PDE1C: variants seen among roughly 807,000 people sequenced by gnomAD.
PDE1C encodes the protein dual specificity calcium/calmodulin-dependent 3',5'-cyclic nucleotide phosphodiesterase 1C.
A neutral mutation model predicts 93.1 loss-of-function variants in PDE1C; 62 were observed. That is an observed-to-expected ratio of 0.67 (90% CI 0.54 to 0.82). PDE1C has a LOEUF of 0.82. Among genes scored for constraint, PDE1C ranks in the 40% least tolerant of loss-of-function variants. The pLI is 0.00. For missense variants in PDE1C, 742 were observed against 884.6 expected (o/e 0.84, Z 2.04); for synonymous variants, 325 against 310.1 (o/e 1.05, Z -0.50).
At chr7:32,331,919 G>A (rs1039379407) in intron 1 of PDE1C, among the ~76,000 whole-genome samples, 55 of 152,146 alleles carry the variant, frequency 3.6e-4, no homozygotes, top group African/African-American at 1.1e-3. Flanking sequence ...CACAAGGGCC[G>A]TTAAAAGCAA....
At chr7:32,402,486 G>C (rs911036992) in intron 1 of PDE1C, among the ~76,000 whole-genome samples, 1 of 152,080 alleles carries the variant, frequency 6.6e-6, no homozygotes, top group East Asian at 1.9e-4. Context: ...AGTAGAGAGA[G>C]GAAGTTAGTC....
the PDE1C span, among the ~76,000 whole-genome samples, chr7:31,705,986 A>ATTTTTTTTTTTTTTTTTTTT: frequency 1.1e-4 from 6 of 52,514 alleles, 1 homozygote; most frequent in Admixed American, 5.6e-4. Context: ...CAGACCAGTA[A>ATTTTTTTTTTTTTTTTTTTT]TTTTTTTTTT....
intron 16 of PDE1C, among the ~76,000 whole-genome samples, chr7:31,781,147 ACG>A (rs1783381090): frequency 6.6e-6 from 1 of 152,248 alleles, no homozygotes. Flanking sequence ...CTCAGGGTGA[ACG>A]CACACCTAAG....
chr7:32,296,832 A>G (rs11765652), intron 1 of PDE1C, among the ~76,000 whole-genome samples: 15,967 of 152,270 alleles, frequency 0.1, 905 homozygotes, highest in South Asian at 0.15. Context: ...ATTCTTTTCT[A>G]CAAGCACTCC....
intron 1 of PDE1C, among the ~76,000 whole-genome samples, chr7:32,405,179 A>G (rs1785027147): frequency 6.6e-6 from 1 of 152,100 alleles, no homozygotes; most frequent in Non-Finnish European, 1.5e-5. Context: ...GCAGGGATGA[A>G]GTCTTCAAAG....
At chr7:32,174,649 G>A (rs1802868874) in intron 2 of PDE1C, among the ~76,000 whole-genome samples, 1 of 152,140 alleles carries the variant, frequency 6.6e-6, no homozygotes, top group Non-Finnish European at 1.5e-5. Flanking sequence ...TGGGCCATTT[G>A]CAAAGTGCCT....
chr7:31,659,207 T>C, the PDE1C span, among the ~76,000 whole-genome samples: 2 of 152,232 alleles, frequency 1.3e-5, no homozygotes, highest in Non-Finnish European at 2.9e-5. Flanking sequence ...TATATTCTTC[T>C]ATGGACATGG....
chr7:32,136,976 A>C (rs1800245891), intron 3 of PDE1C, among the ~76,000 whole-genome samples: 1 of 152,162 alleles, frequency 6.6e-6, no homozygotes, highest in Admixed American at 6.5e-5. Flanking sequence ...TTCTTTTTAA[A>C]CCCCACATTT....
chr7:31,619,072 C>T, the PDE1C span, among the ~76,000 whole-genome samples: 1 of 152,190 alleles, frequency 6.6e-6, no homozygotes, highest in Admixed American at 6.5e-5. Flanking sequence ...TGTCTTCTTT[C>T]AATTTGTAAA....
chr7:32,239,056 CA>C (rs1216612917), intron 1 of PDE1C, among the ~76,000 whole-genome samples: 1 of 152,070 alleles, frequency 6.6e-6, no homozygotes, highest in Non-Finnish European at 1.5e-5. Flanking sequence ...TGCTTGAGGC[CA>C]GGGGTTTGAG....
At chr7:31,942,148 G>A (rs143573487) in intron 2 of PDE1C, among the ~76,000 whole-genome samples, 3 of 152,244 alleles carry the variant, frequency 2.0e-5, no homozygotes, top group African/African-American at 7.2e-5. Flanking sequence ...AGAGCAGCAT[G>A]GGGAAACCTC....
chr7:31,853,678 A>AC (rs70989614), intron 7 of PDE1C, among the ~76,000 whole-genome samples: 2 of 152,034 alleles, frequency 1.3e-5, no homozygotes, highest in Admixed American at 1.3e-4. Flanking sequence ...GAAGGGAGAT[A>AC]AAAAGCAGGG....
intron 1 of PDE1C, among the ~76,000 whole-genome samples, chr7:32,066,257 A>G (rs1167459965): frequency 1.3e-5 from 2 of 152,166 alleles, no homozygotes; most frequent in Non-Finnish European, 2.9e-5. Context: ...TGAGGAGTAG[A>G]GTCTGTTAGC....
chr7:31,696,718 C>G, the PDE1C span, among the ~76,000 whole-genome samples: 3 of 152,168 alleles, frequency 2.0e-5, no homozygotes, highest in Non-Finnish European at 4.4e-5. Context: ...GGCCATAATA[C>G]TAAATTCCTC....
At chr7:32,076,684 G>T (rs905745756) in intron 3 of PDE1C, among the ~76,000 whole-genome samples, 9 of 149,934 alleles carry the variant, frequency 6.0e-5, no homozygotes, top group Non-Finnish European at 1.2e-4. Flanking sequence ...AAAAAAAAAT[G>T]ACATCAACAC....
chr7:31,654,097 T>C, the PDE1C span, among the ~76,000 whole-genome samples: 3 of 148,320 alleles, frequency 2.0e-5, no homozygotes, highest in East Asian at 2.0e-4. Flanking sequence ...ATTACAATCC[T>C]GAAAAGAGCC....
the PDE1C span, among the ~76,000 whole-genome samples, chr7:31,674,565 G>A: frequency 2.0e-5 from 3 of 152,052 alleles, no homozygotes; most frequent in Non-Finnish European, 4.4e-5. Context: ...TGTTGATATA[G>A]AGATAGAAAA....
At chr7:31,674,362 A>T in the PDE1C span, among the ~76,000 whole-genome samples, 120 of 152,316 alleles carry the variant, frequency 7.9e-4, 2 homozygotes, top group South Asian at 0.025. Flanking sequence ...AGTAGTAGGT[A>T]TTTGAGTATT....
At chr7:32,385,092 A>G (rs1784598629) in intron 1 of PDE1C, among the ~76,000 whole-genome samples, 1 of 152,206 alleles carries the variant, frequency 6.6e-6, no homozygotes, top group Non-Finnish European at 1.5e-5. Context: ...ATGAAAAGGC[A>G]GGGATGATGC....
Sources: gnomAD v4.1 joint callset for allele counts (sites outside exome capture counted in the v4.1 genomes callset) on GRCh38, gnomAD v4.1.1 for gene constraint, MANE v1.5 for transcripts, NCBI Gene and HGNC (gene_info 2026-07-23, HGNC 2026-07-21) for gene names.